The following CPEB3 variants were observed in gnomAD, a reference collection of about 807,000 sequenced individuals.
CPEB3 encodes cytoplasmic polyadenylation element binding protein 3, also known as cytoplasmic polyadenylation element-binding protein 3.
Under a neutral mutation model 67.2 loss-of-function variants are expected in CPEB3, and 20 were observed. The ratio of observed to expected loss-of-function variants is 0.30; its 90% CI spans 0.21 to 0.43. The LOEUF is 0.43. CPEB3 is among the 20% of genes least tolerant of loss of function. CPEB3 has a pLI of 1.00. For synonymous variants in CPEB3, 376 were observed against 393.1 expected (o/e 0.96, Z 0.51); for missense variants, 746 against 968.6 (o/e 0.77, Z 3.05).
At position 92,121,405 on chromosome 10, in the gene CPEB3, GA is replaced by G. The variant is rs1564797313; in HGVS notation, c.1454-10212del. Reference sequence around the variant, plus strand: ...ATATATTATATATATATAATAGAGAGACAGCGCGTGAGCGAGCATGCACGCA... The same window carrying G: ...ATATATTATATATATATAATAGAGAGCAGCGCGTGAGCGAGCATGCACGCA... On this transcript the variant is annotated intron_variant, in intron 6 of 9. Transcript: ENST00000265997. Among the ~76,000 whole-genome samples the G allele has an allele frequency of 2.3e-4, 18 of 76,742 alleles. No individual in the cohort carries two copies. In the South Asian group the frequency reaches 4.6e-3, roughly 20 times the overall value. 50.3% of individuals were successfully genotyped at this position (76,742 alleles called of 152,430 possible).
chr10:92,153,759 C>A (rs192042822), intron 4 of CPEB3, among the ~76,000 whole-genome samples: 2 of 152,130 alleles, frequency 1.3e-5, no homozygotes, highest in East Asian at 3.9e-4. Flanking sequence ...CAAGCCTGGG[C>A]GATGGAGTGA....
chr10:92,216,511 T>C, intron 2 of CPEB3: 1 of 1,612,838 alleles, frequency 6.2e-7, no homozygotes, highest in Non-Finnish European at 8.5e-7. Context: ...AGAAGCAGAT[T>C]CGGCGCGGGG....
intron 6 of CPEB3, among the ~76,000 whole-genome samples, chr10:92,111,539 A>C (rs1015548486): frequency 1.3e-5 from 2 of 152,228 alleles, no homozygotes; most frequent in Non-Finnish European, 2.9e-5. Context: ...ATTTCTACAA[A>C]GCTCTAGGCT....
intron 1 of CPEB3, among the ~76,000 whole-genome samples, chr10:92,275,845 C>CTTTTTTT (rs909549413): frequency 2.2e-4 from 20 of 92,964 alleles, no homozygotes; most frequent in African/African-American, 3.3e-4. Flanking sequence ...TCATTCTTTT[C>CTTTTTTT]TTTTTTTTTT....
In CPEB3 at chr10:92,239,322, T is replaced by C. The variant is rs1251010064; in HGVS notation, c.1005+24A>G. On this transcript the variant is annotated intron_variant, in intron 2 of 9. Transcript: ENST00000265997. This position sits in a 1 kb window ranked among gnomAD's most constrained non-coding sequence, Gnocchi z 6.0. ...AAAGGAGCGGGGCAGAGGGAAGGAG[T>C]GTGTAGGTGCAGCAGAGTATTACCT... 1.3e-6 allele frequency: 2 copies of C among 1,591,862 alleles called. No individual in the cohort carries two copies. The highest frequency in any genetic ancestry group is 1.7e-6 in the Non-Finnish European group (2 of 1,169,156).
intron 9 of CPEB3, among the ~76,000 whole-genome samples, chr10:92,071,592 G>A (rs747161843): frequency 8.6e-5 from 13 of 151,942 alleles, no homozygotes. Context: ...AAAATTAGCT[G>A]GGCACGGTGG....
At position 92,050,111 on chromosome 10, in the gene CPEB3, C is replaced by CA. The variant is rs924127858; in HGVS notation, c.*2100dup. ...CAACTTTTGAAAACTGTCTAGAATA[C>CA]AAAAAGTAGTAGTGCATAACAAAAT... On this transcript the variant is annotated 3_prime_UTR_variant, in exon 10 of 10. Coordinates refer to ENST00000265997, the MANE Select transcript of CPEB3 (RefSeq NM_014912.5). The CA allele has an allele frequency of 2.7e-5, 4 of 147,808 alleles. No homozygotes were observed. Among genetic ancestry groups the CA allele is most frequent in the African/African-American group, 1.0e-4 (4 of 40,156 alleles). The allele number at this position is 147,808 out of a possible 1,614,324, so 9.2% of individuals were successfully genotyped here. A position where few individuals can be genotyped will look rare whatever the true frequency, so the allele number is the denominator to read the frequency against.
In CPEB3 at chr10:92,192,573, T is replaced by A. The variant is rs1849031204; in HGVS notation, c.1069A>T (p.Ile357Leu). The A allele has an allele frequency of 6.2e-7, 1 of 1,613,144 alleles. No homozygotes were observed. Among genetic ancestry groups the A allele is most frequent in the Non-Finnish European group, 8.5e-7 (1 of 1,179,226 alleles). ...TTCAGAGGTTCATGATCAGTCCTTATCATATCCATTAAGGAGTTCTCCAAC... is the reference window on the plus strand; with the variant it reads ...TTCAGAGGTTCATGATCAGTCCTTAACATATCCATTAAGGAGTTCTCCAAC... ...HSLENSLMDM[I>L]RTDHEPLKGK... is the part of the protein sequence containing the mutation. The change falls in exon 3 of 10, where the codon ATA (isoleucine) becomes TTA (leucine). Residue 357 changes from isoleucine to leucine, a missense_variant. By Grantham distance (5) the Ile-to-Leu change is conservative. This residue lies in a region of CPEB3 where 643 missense variants were observed against 717.5 expected (regional missense o/e 0.90). Coordinates refer to ENST00000265997, the MANE Select transcript of CPEB3 (RefSeq NM_014912.5).
chr10:92,115,246 C>G (rs1844958345), intron 6 of CPEB3, among the ~76,000 whole-genome samples: 1 of 152,192 alleles, frequency 6.6e-6, no homozygotes, highest in Non-Finnish European at 1.5e-5. Flanking sequence ...CTCCGCCTCC[C>G]GGATTCAAGT....
chr10:92,192,561 G>C lies in CPEB3; in HGVS notation c.1081C>G (p.His361Asp). Residue 361 changes from histidine to aspartate, a missense_variant, in exon 3 of 10, where the codon CAT (histidine) becomes GAT (aspartate). By Grantham distance (81) the His-to-Asp change is moderately conservative (BLOSUM62 -1). Around this residue, in one of 2 missense-constraint regions of CPEB3, gnomAD observed 643 missense variants for 717.5 expected, o/e 0.90. Transcript: ENST00000265997. ...TAGTGTTTACCTTTCAGAGGTTCAT[G>C]ATCAGTCCTTATCATATCCATTAAG... ...NSLMDMIRTD[H>D]EPLKGKHYPP... 6.2e-7 allele frequency: 1 copy of C among 1,613,696 alleles called. No homozygotes were observed.
chr10:92,167,496 A>G (rs1847799512), intron 4 of CPEB3, among the ~76,000 whole-genome samples: 1 of 152,220 alleles, frequency 6.6e-6, no homozygotes, highest in Admixed American at 6.5e-5. Context: ...GGGAAGGCCC[A>G]AGGAGAGGGA....
Position 92,239,648 on chromosome 10 carries a change from C to A in CPEB3, c.703G>T (p.Ala235Ser), listed in dbSNP as rs775493121. Residue 235 changes from alanine to serine, a missense_variant, in exon 2 of 10, where the codon GCC (alanine) becomes TCC (serine). Physicochemically the swap from Ala to Ser is moderately conservative, Grantham distance 99. This residue lies in a region of CPEB3 where 643 missense variants were observed against 717.5 expected (regional missense o/e 0.90). Coordinates refer to ENST00000265997, the MANE Select transcript of CPEB3 (RefSeq NM_014912.5). This position sits in a 1 kb window ranked among gnomAD's most constrained non-coding sequence, Gnocchi z 6.0. ...AVAAAAAAAA[A>S]SSASSSWNTH... is the part of the protein sequence containing the mutation. The stretch of plus-strand genomic sequence containing the variant: ...TTCCAGCTGGACGAGGCCGACGAGG[C>A]GGCGGCTGCGGCAGCAGCGGCTGCA... The A allele has an allele frequency of 1.3e-6, 2 of 1,559,906 alleles. No individual in the cohort carries two copies. The highest frequency in any genetic ancestry group is 1.7e-6 in the Non-Finnish European group (2 of 1,153,288).
intron 1 of CPEB3, among the ~76,000 whole-genome samples, chr10:92,256,636 C>A (rs1291915421): frequency 6.6e-6 from 1 of 152,166 alleles, no homozygotes; most frequent in African/African-American, 2.4e-5. Context: ...CCGCCCGCCT[C>A]AGCCTCTCAA....
intron 1 of CPEB3, among the ~76,000 whole-genome samples, chr10:92,288,480 TA>T (rs1401348713): frequency 1.4e-5 from 2 of 145,144 alleles, no homozygotes; most frequent in Admixed American, 1.4e-4. Flanking sequence ...AAACCCAGAA[TA>T]ATGCTGCTAT....
At chr10:92,225,324 A>G (rs961093907) in intron 2 of CPEB3, among the ~76,000 whole-genome samples, 2 of 152,182 alleles carry the variant, frequency 1.3e-5, no homozygotes, top group Admixed American at 6.5e-5. Context: ...TCACCTCTAA[A>G]TAAAGTATTA....
At chr10:92,289,974 G>A (rs1187103897) in intron 1 of CPEB3, among the ~76,000 whole-genome samples, 1 of 149,046 alleles carries the variant, frequency 6.7e-6, no homozygotes, top group African/African-American at 2.5e-5. Flanking sequence ...TCAAAAATTG[G>A]AGGCCAAGTA....
At chr10:92,185,723 T>A (rs1848657656) in intron 3 of CPEB3, among the ~76,000 whole-genome samples, 1 of 152,208 alleles carries the variant, frequency 6.6e-6, no homozygotes, top group South Asian at 2.1e-4. Context: ...GTGCCACGTT[T>A]CAGAAAGACT....
intron 9 of CPEB3, among the ~76,000 whole-genome samples, chr10:92,064,034 T>C (rs1438338708): frequency 6.6e-6 from 1 of 151,774 alleles, no homozygotes; most frequent in Non-Finnish European, 1.5e-5. Context: ...TAAGTCAAAG[T>C]GTAAAGAAGA....
At chr10:92,282,303 C>A (rs1842333000) in intron 1 of CPEB3, among the ~76,000 whole-genome samples, 1 of 152,184 alleles carries the variant, frequency 6.6e-6, no homozygotes, top group Non-Finnish European at 1.5e-5. Flanking sequence ...AGATTCTATT[C>A]TCTGGGTAGC....
Sources: gnomAD v4.1 joint callset for allele counts (sites outside exome capture counted in the v4.1 genomes callset) on GRCh38, gnomAD v4.1.1 for gene constraint, gnomAD v4.1.1 regional missense constraint, Gnocchi (gnomAD v3.1) non-coding constraint, MANE v1.5 for transcripts, NCBI Gene and HGNC (gene_info 2026-07-23, HGNC 2026-07-21) for gene names.